The following SEMA3C variants were observed in gnomAD, a reference collection of about 807,000 sequenced individuals.
SEMA3C encodes the protein semaphorin-3C.
A neutral mutation model predicts 89.4 loss-of-function variants in SEMA3C; 47 were observed. The ratio of observed to expected loss-of-function variants is 0.53; its 90% CI spans 0.42 to 0.67. The LOEUF (loss-of-function observed/expected upper bound fraction) is 0.67, where lower values mean the gene tolerates loss of function less well. Ranked by LOEUF, SEMA3C falls within the 30% of genes least tolerant of loss-of-function variation. The pLI, the probability that SEMA3C is intolerant of heterozygous loss-of-function variation, is 0.00. For missense variants in SEMA3C, 839 were observed against 929.1 expected, an observed-to-expected ratio of 0.90 and a Z score of 1.26; for synonymous variants, 310 against 320.2, an observed-to-expected ratio of 0.97 and a Z score of 0.34.
chr7:80,859,322 G>A (rs991949506), intron 2 of SEMA3C, among the ~76,000 whole-genome samples: 1 of 152,008 alleles, frequency 6.6e-6, no homozygotes, highest in African/African-American at 2.4e-5. Flanking sequence ...ATTTCCTTCT[G>A]TTTAGAACAA....
Position 80,807,464 on chromosome 7 carries a change from C to T in SEMA3C, c.539-1706G>A, listed in dbSNP as rs566575754. 2.0e-5 allele frequency among the ~76,000 whole-genome samples: 3 copies of T among 152,252 alleles called. No individual in the cohort carries two copies. In the South Asian group the frequency reaches 6.2e-4, roughly 32 times the overall value. On this transcript the variant is annotated intron_variant, in intron 6 of 17. Coordinates refer to ENST00000265361, the MANE Select transcript of SEMA3C (RefSeq NM_006379.5). Reference sequence around the variant, plus strand: ...TTAACAGCAAGTAAGGAACTTTCTGCTTCATTTTATATCAATAAGAAATTT... The same window carrying T: ...TTAACAGCAAGTAAGGAACTTTCTGTTTCATTTTATATCAATAAGAAATTT...
chr7:80,875,175 A>T (rs1791172053), intron 2 of SEMA3C, among the ~76,000 whole-genome samples: 1 of 152,086 alleles, frequency 6.6e-6, no homozygotes, highest in South Asian at 2.1e-4. Flanking sequence ...GTACATACTA[A>T]GTGTTCAAGT....
At chr7:80,913,229 T>C (rs1324210718) in intron 2 of SEMA3C, among the ~76,000 whole-genome samples, 5 of 152,038 alleles carry the variant, frequency 3.3e-5, no homozygotes, top group Non-Finnish European at 5.9e-5. Context: ...GGTGAAACCC[T>C]GTCTCTACTA....
intron 4 of SEMA3C, among the ~76,000 whole-genome samples, chr7:80,822,461 G>A (rs1222947060): frequency 2.0e-5 from 3 of 151,932 alleles, no homozygotes. Context: ...GAGAGTGCAG[G>A]ATTTACTTGG....
In SEMA3C at chr7:80,918,890, T is replaced by C. The variant is rs1441747134; in HGVS notation, c.-101A>G. ...TTGCTACCGGGGTTGGATGCGCTTG[T>C]GTCTCCAGTCCTTTTCCCAGACGAC... On this transcript the variant is annotated 5_prime_UTR_variant, in exon 1 of 18. Transcript: ENST00000265361. The C allele has an allele frequency of 1.0e-6, 1 of 985,374 alleles. No individual in the cohort carries two copies. The highest frequency in any genetic ancestry group is 1.2e-6 in the Non-Finnish European group (1 of 829,962). 61.0% of individuals were successfully genotyped at this position (985,374 alleles called of 1,614,324 possible).
chr7:80,905,038 A>C (rs1220035542), intron 2 of SEMA3C, among the ~76,000 whole-genome samples: 4 of 151,776 alleles, frequency 2.6e-5, no homozygotes, highest in Non-Finnish European at 5.9e-5. Context: ...AAATGAAAGC[A>C]CAGAGAAAAA....
At chr7:80,790,375 G>T (rs1788909011) in intron 11 of SEMA3C, among the ~76,000 whole-genome samples, 1 of 151,982 alleles carries the variant, frequency 6.6e-6, no homozygotes, top group South Asian at 2.1e-4. Context: ...AAGAGAAGAA[G>T]AAGAAGGAAG....
At position 80,916,830 on chromosome 7, in the gene SEMA3C, G is replaced by C. The variant is rs763585338; in HGVS notation, c.-38-11C>G. 6.2e-7 allele frequency: 1 copy of C among 1,605,446 alleles called. No homozygotes were observed. The highest frequency in any genetic ancestry group is 1.7e-5 in the Admixed American group (1 of 59,070). On this transcript the variant is annotated splice_polypyrimidine_tract_variant and intron_variant, in intron 1 of 17. Coordinates refer to ENST00000265361, the MANE Select transcript of SEMA3C (RefSeq NM_006379.5). ...TCCAAGGGAAAATACCTTTAAGAGA[G>C]AGACAACATGTTTGTTATATCTCAT...
At chr7:80,842,222 C>T (rs559136751) in intron 2 of SEMA3C, among the ~76,000 whole-genome samples, 10 of 152,164 alleles carry the variant, frequency 6.6e-5, no homozygotes, top group Non-Finnish European at 1.5e-4. Flanking sequence ...CAAGACTTAT[C>T]ATATACACAA....
intron 2 of SEMA3C, among the ~76,000 whole-genome samples, chr7:80,873,934 G>GT (rs749536683): frequency 6.6e-6 from 1 of 152,072 alleles, no homozygotes; most frequent in Non-Finnish European, 1.5e-5. Flanking sequence ...TGTTGTTCCT[G>GT]TTTTTCCCAT....
chr7:80,848,998 C>A (rs1022030543), intron 2 of SEMA3C, among the ~76,000 whole-genome samples: 2 of 152,012 alleles, frequency 1.3e-5, no homozygotes, highest in Non-Finnish European at 2.9e-5. Context: ...ACTTCAACAC[C>A]CTTTCCCTCC....
chr7:80,794,509 A>C (rs2115618424), intron 11 of SEMA3C, among the ~76,000 whole-genome samples: 1 of 152,240 alleles, frequency 6.6e-6, no homozygotes, highest in African/African-American at 2.4e-5. Flanking sequence ...AGACGTATGT[A>C]ATCAACAAAA....
chr7:80,883,463 A>G (rs1791399689), intron 2 of SEMA3C, among the ~76,000 whole-genome samples: 1 of 152,236 alleles, frequency 6.6e-6, no homozygotes, highest in African/African-American at 2.4e-5. Context: ...CTGAATTATC[A>G]AACAAAACTA....
chr7:80,818,231 C>T, intron 5 of SEMA3C, 68 bp downstream of exon 5: 1 of 1,438,240 alleles, frequency 7.0e-7, no homozygotes, highest in Admixed American at 1.9e-5. Flanking sequence ...AGTTTTTACT[C>T]TAAAATACAG....
At chr7:80,899,801 G>A (rs1791833262) in intron 2 of SEMA3C, among the ~76,000 whole-genome samples, 1 of 152,168 alleles carries the variant, frequency 6.6e-6, no homozygotes. Context: ...AATGTTAGCA[G>A]CTGATTCATT....
At chr7:80,896,583 TA>T in intron 2 of SEMA3C, among the ~76,000 whole-genome samples, 1 of 152,338 alleles carries the variant, frequency 6.6e-6, no homozygotes, top group South Asian at 2.1e-4. Flanking sequence ...CTTAGCCTCC[TA>T]AATCAGCCTA....
chr7:80,808,144 C>T (rs1789384066), intron 6 of SEMA3C, among the ~76,000 whole-genome samples: 1 of 152,142 alleles, frequency 6.6e-6, no homozygotes, highest in Admixed American at 6.5e-5. Context: ...AAGGGCAAGA[C>T]TATTAAATGA....
chr7:80,909,468 AC>A (rs1200550110), intron 2 of SEMA3C, among the ~76,000 whole-genome samples: 1 of 152,176 alleles, frequency 6.6e-6, no homozygotes, highest in African/African-American at 2.4e-5. Context: ...AAATAGTTGT[AC>A]TAAGGTAGTA....
At chr7:80,826,973 T>G (rs1789885935) in intron 4 of SEMA3C, among the ~76,000 whole-genome samples, 1 of 152,148 alleles carries the variant, frequency 6.6e-6, no homozygotes. Flanking sequence ...TATTTTTAAT[T>G]AACAAAGGTA....
Sources: gnomAD v4.1 joint callset for allele counts (sites outside exome capture counted in the v4.1 genomes callset) on GRCh38, gnomAD v4.1.1 for gene constraint, MANE v1.5 for transcripts, NCBI Gene and HGNC (gene_info 2026-07-23, HGNC 2026-07-21) for gene names.